The following CSMD1 variants were observed in gnomAD, a reference collection of about 807,000 sequenced individuals.
The protein encoded by CSMD1 is CUB and Sushi multiple domains 1, also known as CUB and sushi domain-containing protein 1.
A neutral mutation model predicts 417.5 loss-of-function variants in CSMD1; 213 were observed. The ratio of observed to expected loss-of-function variants is 0.51; its 90% CI spans 0.46 to 0.57. The LOEUF is 0.57. Among genes scored for constraint, CSMD1 ranks in the 20% least tolerant of loss-of-function variants. The pLI, the probability that CSMD1 is intolerant of heterozygous loss-of-function variation, is 0.00. For missense variants in CSMD1, 6,923 were observed against 4,529.7 expected (o/e 1.53, Z -15.17); for synonymous variants, 2,862 against 1,736.8 (o/e 1.65, Z -16.11).
At position 3,696,220 on chromosome 8, in the gene CSMD1, C is replaced by G. The variant is rs966420313; in HGVS notation, c.1009+12194G>C. Among the ~76,000 whole-genome samples, 7 of 152,118 alleles carry G rather than the reference C, an allele frequency of 4.6e-5. No homozygotes were observed. The East Asian group carries it at 1.3e-3, about 29-fold the overall frequency. ...ATGCCCTTCAAACAGACAGTTCAAA[C>G]CATAAAATAGGCAATTTAGACAGGC... is the stretch of plus-strand genomic sequence containing the variant. On this transcript the variant is annotated intron_variant, in intron 7 of 69. Coordinates refer to ENST00000635120, the MANE Select transcript of CSMD1 (RefSeq NM_033225.6).
chr8:4,069,152 T>G (rs1365270), intron 3 of CSMD1, among the ~76,000 whole-genome samples: 118,317 of 152,088 alleles, frequency 0.78, 46,988 homozygotes, highest in East Asian at 0.97. Flanking sequence ...AGGAGACTGG[T>G]TGCAAATATA....
chr8:4,865,244 A>G (rs1802360332), intron 1 of CSMD1, among the ~76,000 whole-genome samples: 2 of 151,874 alleles, frequency 1.3e-5, no homozygotes, highest in South Asian at 4.1e-4. Flanking sequence ...ACTTGTACCA[A>G]CATAAAACTT....
intron 5 of CSMD1, among the ~76,000 whole-genome samples, chr8:3,928,072 A>C (rs1047121574): frequency 2.0e-5 from 3 of 152,248 alleles, no homozygotes; most frequent in Non-Finnish European, 4.4e-5. Flanking sequence ...CACTTTATTC[A>C]AGGAGGCCTG....
Position 3,829,031 on chromosome 8 carries a change from A to ATTTTT in CSMD1, c.819-74990_819-74989insAAAAA, listed in dbSNP as rs1476800839. On this transcript the variant is annotated intron_variant, in intron 5 of 69. Transcript: ENST00000635120. ...ACAATCACCTTTCTTTTTTTTTAAA[A>ATTTTT]AAATGTATTTTTCCGTAAGTTACTG... is the stretch of plus-strand genomic sequence containing the variant. Among the ~76,000 whole-genome samples the ATTTTT allele has an allele frequency of 2.4e-3, 355 of 150,424 alleles. 3 individuals are homozygous for ATTTTT. Among genetic ancestry groups the ATTTTT allele is most frequent in the African/African-American group, 6.9e-3 (283 of 40,896 alleles).
chr8:3,982,430 T>A (rs1270981496), intron 5 of CSMD1, among the ~76,000 whole-genome samples: 1 of 151,788 alleles, frequency 6.6e-6, no homozygotes, highest in East Asian at 1.9e-4. Context: ...CAATAAGACA[T>A]GGAATTAATA....
intron 4 of CSMD1, among the ~76,000 whole-genome samples, chr8:4,025,282 C>G (rs1291155259): frequency 2.0e-5 from 3 of 152,150 alleles, no homozygotes; most frequent in Non-Finnish European, 4.4e-5. Flanking sequence ...TTGTATGCCC[C>G]TATCCAAAAT....
Position 4,146,456 on chromosome 8 carries a change from G to C in CSMD1, c.416-114357C>G, listed in dbSNP as rs1405588298. Among the ~76,000 whole-genome samples, 3 of 150,554 alleles carry C rather than the reference G, an allele frequency of 2.0e-5. 1 individual carries two copies. The highest frequency in any genetic ancestry group is 5.0e-5 in the African/African-American group (2 of 40,020). On this transcript the variant is annotated intron_variant, in intron 3 of 69. Coordinates refer to ENST00000635120, the MANE Select transcript of CSMD1 (RefSeq NM_033225.6). ...AGGATGTGTCTCAGCAGTAAGTGTA[G>C]AGTTAACAATGTTGAAAAGGCTGTT...
intron 51 of CSMD1, among the ~76,000 whole-genome samples, chr8:3,019,643 G>A (rs1205274302): frequency 6.6e-6 from 1 of 152,174 alleles, no homozygotes. Context: ...GGTGTCGATG[G>A]GGTGACCCTA....
At chr8:4,493,475 T>G (rs1444284851) in intron 2 of CSMD1, among the ~76,000 whole-genome samples, 1 of 152,034 alleles carries the variant, frequency 6.6e-6, no homozygotes. Flanking sequence ...GCAAGAGGAT[T>G]GCTTGAGTCC....
intron 10 of CSMD1, among the ~76,000 whole-genome samples, chr8:3,532,733 T>G (rs1041884221): frequency 1.3e-5 from 2 of 152,212 alleles, no homozygotes; most frequent in African/African-American, 4.8e-5. Context: ...TTTCAGTATG[T>G]CATATCTATT....
intron 26 of CSMD1, among the ~76,000 whole-genome samples, chr8:3,283,823 C>A (rs1802927515): frequency 6.6e-6 from 1 of 152,342 alleles, no homozygotes; most frequent in African/African-American, 2.4e-5. Flanking sequence ...TACTTCTGCA[C>A]GACTATACAT....
chr8:4,628,032 G>A (rs1376368660), intron 2 of CSMD1, among the ~76,000 whole-genome samples: 1 of 151,564 alleles, frequency 6.6e-6, no homozygotes, highest in East Asian at 1.9e-4. Flanking sequence ...ACTGTTCCCT[G>A]GGACAAAAAA....
At position 4,143,450 on chromosome 8, in the gene CSMD1, G is replaced by C. The variant is rs1025804763; in HGVS notation, c.416-111351C>G. ...AAGTTCGGATACCTTTGGTAAATTT[G>C]TTTTATTACAGGAGGTGTTTAATAT... On this transcript the variant is annotated intron_variant, in intron 3 of 69. Coordinates refer to ENST00000635120, the MANE Select transcript of CSMD1 (RefSeq NM_033225.6). Among the ~76,000 whole-genome samples the C allele has an allele frequency of 4.1e-5, 6 of 147,478 alleles. 1 individual carries two copies. Among genetic ancestry groups the C allele is most frequent in the African/African-American group, 1.6e-4 (6 of 38,682 alleles).
chr8:3,061,919 T>C (rs952407533), intron 49 of CSMD1, among the ~76,000 whole-genome samples: 8 of 152,172 alleles, frequency 5.3e-5, no homozygotes, highest in African/African-American at 1.9e-4. Context: ...TAAACGGCTC[T>C]GTGAGGGGTC....
intron 10 of CSMD1, among the ~76,000 whole-genome samples, chr8:3,558,612 CTCCAA>C (rs1223620214): frequency 3.2e-4 from 42 of 130,004 alleles, no homozygotes; most frequent in South Asian, 1.7e-3. Flanking sequence ...GTGTCCACTC[CTCCAA>C]TGATGAATAG....
intron 3 of CSMD1, among the ~76,000 whole-genome samples, chr8:4,305,387 G>T (rs1469534132): frequency 6.6e-6 from 1 of 152,098 alleles, no homozygotes; most frequent in Admixed American, 6.6e-5. Flanking sequence ...TAGAGCAAGA[G>T]ATTTGCTGAG....
At chr8:3,674,204 C>T (rs934383370) in intron 7 of CSMD1, among the ~76,000 whole-genome samples, 34 of 152,156 alleles carry the variant, frequency 2.2e-4, no homozygotes, top group African/African-American at 8.0e-4. Flanking sequence ...TGAGTTGTCT[C>T]TAGAATTATC....
chr8:4,016,722 C>T (rs1463188918), intron 4 of CSMD1, among the ~76,000 whole-genome samples: 1 of 152,196 alleles, frequency 6.6e-6, no homozygotes, highest in Admixed American at 6.5e-5. Context: ...GTTAGGAAGA[C>T]CCTATAGCCA....
At chr8:3,954,093 G>A (rs1261469621) in intron 5 of CSMD1, among the ~76,000 whole-genome samples, 1 of 151,958 alleles carries the variant, frequency 6.6e-6, no homozygotes, top group Non-Finnish European at 1.5e-5. Context: ...TCGTGCAGGG[G>A]CCTAGGAACG....
Sources: allele counts gnomAD v4.1 joint callset (sites outside exome capture counted in the v4.1 genomes callset), GRCh38; gene constraint gnomAD v4.1.1; transcripts MANE v1.5; gene names NCBI Gene and HGNC (gene_info 2026-07-23, HGNC 2026-07-21).